CD5: variants seen among roughly 807,000 people sequenced by gnomAD.
The protein encoded by CD5 is CD5 molecule.
Under a neutral mutation model 60.3 loss-of-function variants are expected in CD5, and 36 were observed. The ratio of observed to expected loss-of-function variants is 0.60; its 90% CI spans 0.46 to 0.79. CD5 has a LOEUF of 0.79. Ranked by LOEUF, CD5 falls within the 30% of genes least tolerant of loss-of-function variation. The probability of loss-of-function intolerance (pLI) is 0.00; values close to 1 mark genes in which losing one functional copy is unlikely to be tolerated. For missense variants in CD5, 540 were observed against 630.6 expected, an observed-to-expected ratio of 0.86 and a Z score of 1.54; for synonymous variants, 230 against 257.6, an observed-to-expected ratio of 0.89 and a Z score of 1.03.
rs770153880 is a variant in CD5 at position 61,102,555 on chromosome 11, G to A, written c.-6G>A. 2.5e-6 allele frequency: 4 copies of A among 1,577,014 alleles called. No homozygotes were observed. In the Admixed American group the frequency reaches 7.2e-5, roughly 28 times the overall value. ...CCCAGGCTGAGGCAAGAGAAGGCCA[G>A]AAACCATGCCCATGGGGTCTCTGCA... On this transcript the variant is annotated 5_prime_UTR_variant, in exon 1 of 11. Coordinates refer to ENST00000347785, the MANE Select transcript of CD5 (RefSeq NM_014207.4).
upstream of CD5, among the ~76,000 whole-genome samples, chr11:61,099,862 T>A (rs1413000695): frequency 2.8e-5 from 4 of 145,158 alleles, no homozygotes; most frequent in South Asian, 2.2e-4. Context: ...AGATCACACA[T>A]GTCAACATGG....
intron 1 of CD5, among the ~76,000 whole-genome samples, chr11:61,111,456 T>C (rs1282446171): frequency 6.6e-6 from 1 of 152,196 alleles, no homozygotes; most frequent in Non-Finnish European, 1.5e-5. Flanking sequence ...GGGCTAAGTA[T>C]GCAGCAGGTG....
intron 1 of CD5, among the ~76,000 whole-genome samples, chr11:61,112,178 C>T (rs1402393696): frequency 6.6e-6 from 1 of 152,178 alleles, no homozygotes; most frequent in African/African-American, 2.4e-5. Context: ...AGGGATGACT[C>T]CTTCAAGGCA....
chr11:61,119,563 C>T lies in CD5; in HGVS notation c.793C>T (p.Leu265Phe), dbSNP rs200152277. The T allele has an allele frequency of 1.2e-6, 2 of 1,608,850 alleles. No homozygotes were observed. The highest frequency in any genetic ancestry group is 1.3e-5 in the African/African-American group (1 of 74,996). Reference sequence around the variant, plus strand: ...CCAGAAAAGTGGCCGAGTTCTTGCCCTCCTTTGCTCAGGTAAGTGAGACCT... The same window carrying T: ...CCAGAAAAGTGGCCGAGTTCTTGCCTTCCTTTGCTCAGGTAAGTGAGACCT... ...KPQKSGRVLA[L>F]LCSGFQPKVQ... The change falls in exon 5 of 11, where the codon CTC (leucine) becomes TTC (phenylalanine). Residue 265 changes from leucine to phenylalanine, a missense_variant. Coordinates refer to ENST00000347785, the MANE Select transcript of CD5 (RefSeq NM_014207.4).
chr11:61,108,173 G>A (rs1437283880), intron 1 of CD5, among the ~76,000 whole-genome samples: 1 of 152,226 alleles, frequency 6.6e-6, no homozygotes, highest in Admixed American at 6.5e-5. Flanking sequence ...GAGCTTTGGG[G>A]TAGGTAAAGC....
chr11:61,120,344 A>G (rs996636962), intron 5 of CD5, among the ~76,000 whole-genome samples: 1 of 152,210 alleles, frequency 6.6e-6, no homozygotes, highest in African/African-American at 2.4e-5. Context: ...GTACTTACCG[A>G]GAGCTTACTT....
the CD5 span, among the ~76,000 whole-genome samples, chr11:61,095,065 C>T: frequency 2.9e-4 from 44 of 152,244 alleles, no homozygotes; most frequent in African/African-American, 1.0e-3. Context: ...TCCCACCCGC[C>T]GAGGGAAGTC....
chr11:61,121,746 A>G lies in CD5; in HGVS notation c.941A>G (p.Glu314Gly), dbSNP rs1232688061. ...SSARSSLRWE[E>G]VCREQQCGSV... ...GCCAGGAGCTCGCTGCGGTGGGAGG[A>G]GGTGTGCCGGGAGCAGCAGTGTGGC... The change falls in exon 6 of 11, where the codon GAG becomes GGG. Residue 314 changes from glutamate to glycine, a missense_variant. Glu to Gly is a moderately conservative substitution (Grantham distance 98, BLOSUM62 -2). Transcript: ENST00000347785. 7.4e-6 allele frequency: 12 copies of G among 1,611,720 alleles called. No individual in the cohort carries two copies. Among genetic ancestry groups the G allele is most frequent in the Non-Finnish European group, 1.0e-5 (12 of 1,178,492 alleles).
Position 61,126,329 on chromosome 11 carries a change from T to C in CD5, c.*44T>C, listed in dbSNP as rs1030117286. Reference sequence around the variant, plus strand: ...CAAAAAGCCGAGAGCCAGACCTGTTTGTCCTGAGAAAACTGTCCGCTCTTC... The same window carrying C: ...CAAAAAGCCGAGAGCCAGACCTGTTCGTCCTGAGAAAACTGTCCGCTCTTC... On this transcript the variant is annotated 3_prime_UTR_variant, in exon 11 of 11. Transcript: ENST00000347785. 1.3e-5 allele frequency: 2 copies of C among 152,754 alleles called. No homozygotes were observed. The highest frequency in any genetic ancestry group is 4.8e-5 in the African/African-American group (2 of 41,490). 9.5% of individuals were successfully genotyped at this position (152,754 alleles called of 1,614,324 possible). A position where few individuals can be genotyped will look rare whatever the true frequency, so the allele number is the denominator to read the frequency against.
intron 5 of CD5, among the ~76,000 whole-genome samples, chr11:61,120,828 C>G (rs761615034): frequency 3.3e-5 from 5 of 152,212 alleles, no homozygotes; most frequent in Non-Finnish European, 7.3e-5. Context: ...TCCCACCGGC[C>G]CCTCAGCTAC....
intron 2 of CD5, among the ~76,000 whole-genome samples, chr11:61,115,307 G>T: frequency 6.6e-6 from 1 of 152,126 alleles, no homozygotes; most frequent in Admixed American, 6.5e-5. Flanking sequence ...CTCGACAGCC[G>T]TAAATCACCC....
chr11:61,104,425 C>A (rs1860749872), intron 1 of CD5, among the ~76,000 whole-genome samples: 1 of 152,198 alleles, frequency 6.6e-6, no homozygotes, highest in Non-Finnish European at 1.5e-5. Context: ...CTCCTCACCT[C>A]TGGCCTCAGA....
rs1488399785 is a variant in CD5, at chr11:61,125,782, G to A, written c.1431G>A (p.Met477Ile). 1 of 1,612,294 alleles carries A rather than the reference G, an allele frequency of 6.2e-7. No individual in the cohort carries two copies. The highest frequency in any genetic ancestry group is 8.5e-7 in the Non-Finnish European group (1 of 1,179,004). The change falls in exon 10 of 11, where the codon ATG becomes ATA. Residue 477 changes from methionine (M) to isoleucine (I), a missense_variant. Coordinates refer to ENST00000347785, the MANE Select transcript of CD5 (RefSeq NM_014207.4). The part of the protein sequence containing the change: ...ALEGALHRSS[M>I]QPDNSSDSDY... ...AAGGGGCTCTGCATCGCTCCTCCATGCAGCCTGACAACTCCTCCGACAGTG... is the reference window on the plus strand; with the variant it reads ...AAGGGGCTCTGCATCGCTCCTCCATACAGCCTGACAACTCCTCCGACAGTG...
At position 61,118,153 on chromosome 11, in the gene CD5, A is replaced by T; in HGVS notation, c.95-22A>T. ...GGGAACCCCTCCCAGCCTGACCCCC[A>T]CCACACCTTTCTGACCCCCAGATTT... On this transcript the variant is annotated intron_variant, in intron 2 of 10. Transcript: ENST00000347785. This position sits in a 1 kb window ranked among gnomAD's most constrained non-coding sequence, Gnocchi z 4.7. The T allele has an allele frequency of 6.2e-7, 1 of 1,607,130 alleles. No individual in the cohort carries two copies. Among genetic ancestry groups the T allele is most frequent in the African/African-American group, 1.3e-5 (1 of 74,950 alleles).
chr11:61,111,065 G>C (rs1860848397), intron 1 of CD5, among the ~76,000 whole-genome samples: 1 of 152,144 alleles, frequency 6.6e-6, no homozygotes, highest in African/African-American at 2.4e-5. Flanking sequence ...AATTTCACTT[G>C]GTTCTCCAGC....
chr11:61,125,957 A>G (rs1861143818), intron 10 of CD5, 116 bp downstream of exon 10: 1 of 501,206 alleles, frequency 2.0e-6, no homozygotes, highest in Non-Finnish European at 3.4e-6. Flanking sequence ...TGAATAGGGG[A>G]CCCCCAGCAT....
chr11:61,115,937 T>C lies in CD5; in HGVS notation c.94+843T>C, dbSNP rs1329861947. Reference sequence around the variant, plus strand: ...GCTGTGAAATGGGAAGAAAATCTCTTGCCTGGTGAAGCGGCAACGAGCCAG... The same window carrying C: ...GCTGTGAAATGGGAAGAAAATCTCTCGCCTGGTGAAGCGGCAACGAGCCAG... On this transcript the variant is annotated intron_variant, in intron 2 of 10. Transcript: ENST00000347785. Among the ~76,000 whole-genome samples the C allele has an allele frequency of 2.0e-5, 3 of 152,318 alleles. No individual in the cohort carries two copies. The East Asian group carries it at 5.8e-4, about 29-fold the overall frequency.
At chr11:61,123,855 CTGA>C (rs1443667693) in intron 7 of CD5, 26 bp from the exon 8 acceptor site, 1 of 1,559,452 alleles carries the variant, frequency 6.4e-7, no homozygotes, top group East Asian at 2.3e-5. Context: ...CCCCACCACT[CTGA>C]TGTGCCTTTC....
At chr11:61,122,229 A>G (rs1368991170) in intron 6 of CD5, among the ~76,000 whole-genome samples, 1 of 151,168 alleles carries the variant, frequency 6.6e-6, no homozygotes, top group African/African-American at 2.4e-5. Context: ...TATTTGCTAC[A>G]TGAATGGTAA....
Sources: gnomAD v4.1 joint callset for allele counts (sites outside exome capture counted in the v4.1 genomes callset) on GRCh38, gnomAD v4.1.1 for gene constraint, Gnocchi (gnomAD v3.1) non-coding constraint, MANE v1.5 for transcripts, NCBI Gene and HGNC (gene_info 2026-07-23, HGNC 2026-07-21) for gene names.